DNAAF3: variants seen among roughly 807,000 people sequenced by gnomAD.
DNAAF3 encodes dynein axonemal assembly factor 3.
Under a neutral mutation model 50.9 loss-of-function variants are expected in DNAAF3, and 40 were observed. The ratio of observed to expected loss-of-function variants is 0.79; its 90% CI spans 0.61 to 1.02. DNAAF3 has a LOEUF of 1.02. Among genes scored for constraint, DNAAF3 ranks in the 50% least tolerant of loss-of-function variants. DNAAF3 has a pLI of 0.00. For synonymous variants in DNAAF3, 327 were observed against 322.8 expected, an observed-to-expected ratio of 1.01 and a Z score of -0.14; for missense variants, 763 against 744.7, an observed-to-expected ratio of 1.02 and a Z score of -0.29.
chr19:55,161,424 G>A lies in DNAAF3; in HGVS notation c.664-6C>T, dbSNP rs557072444. 3 of 602,966 alleles carry A rather than the reference G, an allele frequency of 5.0e-6. No homozygotes were observed. The highest frequency in any genetic ancestry group is 3.7e-5 in the African/African-American group (2 of 53,678). 37.4% of individuals were successfully genotyped at this position (602,966 alleles called of 1,614,324 possible). A position where few individuals can be genotyped will look rare whatever the true frequency, so the allele number is the denominator to read the frequency against. ...TGGGGGTGAATGACTTGAGCCTGGG[G>A]TGGGGGGCGGGAAGAAGGGAGCCCT... is the stretch of plus-strand genomic sequence containing the variant. On this transcript the variant is annotated splice_polypyrimidine_tract_variant and splice_region_variant and intron_variant, in intron 6 of 11. Transcript: ENST00000524407. The surrounding 1 kb of genome is among the most constrained non-coding windows in gnomAD (Gnocchi z 6.4).
chr19:55,161,021 C>T lies in DNAAF3; in HGVS notation c.912+44G>A, dbSNP rs1342640890. 6.7e-7 allele frequency: 1 copy of T among 1,503,396 alleles called. No individual in the cohort carries two copies. The allele number at this position is 1,503,396 out of a possible 1,614,324, so 93.1% of individuals were successfully genotyped here. ...GGGCGGGGCCTTGCGCACCCACCGA[C>T]CCCCAGCCCCACCTCTACCCCCAGT... On this transcript the variant is annotated intron_variant, in intron 8 of 11. Coordinates refer to ENST00000524407, the MANE Select transcript of DNAAF3 (RefSeq NM_001256715.2). The surrounding 1 kb of genome is among the most constrained non-coding windows in gnomAD (Gnocchi z 6.4).
chr19:55,160,997 G>A lies in DNAAF3; in HGVS notation c.912+68C>T, dbSNP rs988441140. The A allele has an allele frequency of 4.7e-5, 70 of 1,485,372 alleles. No individual in the cohort carries two copies. The highest frequency in any genetic ancestry group is 5.9e-5 in the Non-Finnish European group (66 of 1,119,682). 92.0% of individuals were successfully genotyped at this position (1,485,372 alleles called of 1,614,324 possible). On this transcript the variant is annotated intron_variant, in intron 8 of 11. Coordinates refer to ENST00000524407, the MANE Select transcript of DNAAF3 (RefSeq NM_001256715.2). This position sits in a 1 kb window ranked among gnomAD's most constrained non-coding sequence, Gnocchi z 4.7. ...AGCTGGGGGCGGGGCCTGCTGTGGGGGCGGGGCCTTGCGCACCCACCGACC... is the reference window on the plus strand; with the variant it reads ...AGCTGGGGGCGGGGCCTGCTGTGGGAGCGGGGCCTTGCGCACCCACCGACC...
At position 55,161,974 on chromosome 19, in the gene DNAAF3, C is replaced by A; in HGVS notation, c.481-149G>T. 7.4e-7 allele frequency: 1 copy of A among 1,349,946 alleles called. No individual in the cohort carries two copies. Among genetic ancestry groups the A allele is most frequent in the East Asian group, 3.0e-5 (1 of 33,392 alleles). The allele number at this position is 1,349,946 out of a possible 1,614,324, so 83.6% of individuals were successfully genotyped here. A position where few individuals can be genotyped will look rare whatever the true frequency, so the allele number is the denominator to read the frequency against. ...AAACTGAGGCTCCGAAAGCAGAAGC[C>A]ACCTCCTGCCCCCAGGCCAAATCCC... On this transcript the variant is annotated intron_variant, in intron 5 of 11. Transcript: ENST00000524407. This position sits in a 1 kb window ranked among gnomAD's most constrained non-coding sequence, Gnocchi z 6.4.
chr19:55,160,916 G>A lies in DNAAF3; in HGVS notation c.913-141C>T, dbSNP rs1423783731. 1 of 1,449,190 alleles carries A rather than the reference G, an allele frequency of 6.9e-7. No individual in the cohort carries two copies. Among genetic ancestry groups the A allele is most frequent in the Non-Finnish European group, 9.1e-7 (1 of 1,102,056 alleles). 89.8% of individuals were successfully genotyped at this position (1,449,190 alleles called of 1,614,324 possible). ...AGTGGGGCGGGACCTATCCCGCGGG[G>A]ATGGGGCCTGTTCTCTGAATGGAGT... On this transcript the variant is annotated intron_variant, in intron 8 of 11. Transcript: ENST00000524407. The surrounding 1 kb of genome is among the most constrained non-coding windows in gnomAD (Gnocchi z 4.7).
At position 55,159,884 on chromosome 19, in the gene DNAAF3, T is replaced by G. The variant is rs1369172533; in HGVS notation, c.1163+15A>C. On this transcript the variant is annotated intron_variant, in intron 10 of 11. Transcript: ENST00000524407. ...GATCCTGGGTCTTTGTGAGCACAGC[T>G]GCCTCCCCGCTTACCCACAGGCCAC... 6.2e-7 allele frequency: 1 copy of G among 1,612,136 alleles called. No individual in the cohort carries two copies. The highest frequency in any genetic ancestry group is 1.3e-5 in the African/African-American group (1 of 74,840).
chr19:55,159,566 GCCACACAGGCC>G lies in DNAAF3; in HGVS notation c.1194_1204del (p.Ala399ThrfsTer75), dbSNP rs2147290974. On this transcript the variant is annotated frameshift_variant, in exon 11 of 12. Coordinates refer to ENST00000524407, the MANE Select transcript of DNAAF3 (RefSeq NM_001256715.2). LOFTEE classifies it low-confidence loss of function (END_TRUNC). ...TTCCACAATCAAGTTCCCTCCGGGT[GCCACACAGGCC>G]CCAAGCTCAGGGATGAGAAGATGGA... The G allele has an allele frequency of 1.2e-6, 2 of 1,605,862 alleles. No homozygotes were observed. The highest frequency in any genetic ancestry group is 1.7e-6 in the Non-Finnish European group (2 of 1,175,792).
chr19:55,160,610 C>A lies in DNAAF3; in HGVS notation c.1048+30G>T. 6.8e-7 allele frequency: 1 copy of A among 1,468,160 alleles called. No homozygotes were observed. The highest frequency in any genetic ancestry group is 8.9e-7 in the Non-Finnish European group (1 of 1,117,968). 90.9% of individuals were successfully genotyped at this position (1,468,160 alleles called of 1,614,324 possible). A position where few individuals can be genotyped will look rare whatever the true frequency, so the allele number is the denominator to read the frequency against. The stretch of plus-strand genomic sequence containing the variant: ...GTGAAACACCTGGAGGCTGGAGTCC[C>A]TGGCTTACCTGTTGTTGTCCCTGGC... On this transcript the variant is annotated intron_variant, in intron 9 of 11. Transcript: ENST00000524407. The surrounding 1 kb of genome is among the most constrained non-coding windows in gnomAD (Gnocchi z 4.7).
Position 55,160,438 on chromosome 19 carries a change from T to TCAG in DNAAF3, c.1048+201_1048+202insCTG, listed in dbSNP as rs1187059382. ...CTTGGATAGCTTAGCCCTCTGCAGA[T>TCAG]AAGATTAGAATTCTGCTAGTGGAAT... On this transcript the variant is annotated intron_variant, in intron 9 of 11. Transcript: ENST00000524407. This position sits in a 1 kb window ranked among gnomAD's most constrained non-coding sequence, Gnocchi z 4.7. Among the ~76,000 whole-genome samples, 1 of 152,196 alleles carries TCAG rather than the reference T, an allele frequency of 6.6e-6. No individual in the cohort carries two copies. The highest frequency in any genetic ancestry group is 1.5e-5 in the Non-Finnish European group (1 of 68,042).
chr19:55,161,409 T>G lies in DNAAF3; in HGVS notation c.673A>C (p.Ile225Leu). Residue 225 changes from isoleucine to leucine, a missense_variant, in exon 7 of 12, where the codon ATT becomes CTT. By Grantham distance (5) the Ile-to-Leu change is conservative (BLOSUM62 2). Transcript: ENST00000524407. The surrounding 1 kb of genome is among the most constrained non-coding windows in gnomAD (Gnocchi z 6.4). ...CAGCGTCGGAACTCCTGGGGGTGAA[T>G]GACTTGAGCCTGGGGTGGGGGGCGG... ...MKLHDRGAQV[I>L]HPQEFRRWRD... 6 of 617,934 alleles carry G rather than the reference T, an allele frequency of 9.7e-6. No individual in the cohort carries two copies. The highest frequency in any genetic ancestry group is 1.6e-5 in the Non-Finnish European group (6 of 378,608). The allele number at this position is 617,934 out of a possible 1,614,324, so 38.3% of individuals were successfully genotyped here.
At chr19:55,159,652 G>A (rs375400023) in intron 10 of DNAAF3, 45 bp from the exon 11 acceptor site, 57 of 1,610,958 alleles carry the variant, frequency 3.5e-5, no homozygotes, top group Middle Eastern at 1.6e-4. Flanking sequence ...CTCCAAATCC[G>A]GAGGGAGGAT....
chr19:55,165,609 C>T, intron 3 of DNAAF3, 146 bp from the exon 4 acceptor site: 1 of 959,648 alleles, frequency 1.0e-6, no homozygotes, highest in South Asian at 1.6e-5. Flanking sequence ...AGTCTGTGTC[C>T]CCAGAGCTCT....
Position 55,161,972 on chromosome 19 carries a change from G to A in DNAAF3, c.481-147C>T. On this transcript the variant is annotated intron_variant, in intron 5 of 11. Coordinates refer to ENST00000524407, the MANE Select transcript of DNAAF3 (RefSeq NM_001256715.2). This position sits in a 1 kb window ranked among gnomAD's most constrained non-coding sequence, Gnocchi z 6.4. ...AAAAACTGAGGCTCCGAAAGCAGAA[G>A]CCACCTCCTGCCCCCAGGCCAAATC... 2 of 1,352,022 alleles carry A rather than the reference G, an allele frequency of 1.5e-6. No homozygotes were observed. The highest frequency in any genetic ancestry group is 2.8e-4 in the Middle Eastern group (1 of 3,624). The allele number at this position is 1,352,022 out of a possible 1,614,324, so 83.8% of individuals were successfully genotyped here. A position where few individuals can be genotyped will look rare whatever the true frequency, so the allele number is the denominator to read the frequency against.
chr19:55,164,173 T>C (rs2085895188), intron 4 of DNAAF3, among the ~76,000 whole-genome samples: 1 of 152,142 alleles, frequency 6.6e-6, no homozygotes, highest in African/African-American at 2.4e-5. Context: ...TGTGGAACTG[T>C]GAGTCAATTA....
chr19:55,163,070 C>T lies in DNAAF3; in HGVS notation c.323-780G>A, dbSNP rs1387239546. On this transcript the variant is annotated intron_variant, in intron 4 of 11. Transcript: ENST00000524407. ...TGTCGCCTAGACTGTAGTGCAGTGGCGCGATCCCGGCTCACTGCAAGCTCC... is the reference window on the plus strand; with the variant it reads ...TGTCGCCTAGACTGTAGTGCAGTGGTGCGATCCCGGCTCACTGCAAGCTCC... Among the ~76,000 whole-genome samples, 6 of 129,622 alleles carry T rather than the reference C, an allele frequency of 4.6e-5. No individual in the cohort carries two copies. The South Asian group carries it at 9.9e-4, about 21-fold the overall frequency. The allele number at this position is 129,622 out of a possible 152,430, so 85.0% of individuals were successfully genotyped here. A position where few individuals can be genotyped will look rare whatever the true frequency, so the allele number is the denominator to read the frequency against.
chr19:55,161,173 C>T lies in DNAAF3; in HGVS notation c.804G>A (p.Val268=). The change falls in exon 8 of 12, where the codon GTG becomes GTA. Residue 268 remains valine, a synonymous_variant. Coordinates refer to ENST00000524407, the MANE Select transcript of DNAAF3 (RefSeq NM_001256715.2). This position sits in a 1 kb window ranked among gnomAD's most constrained non-coding sequence, Gnocchi z 6.4. ...GRLLSYRGER[V]AARGYWGDIA... is the part of the protein sequence containing the mutation. Reference sequence around the variant, plus strand: ...TGTCCCCCCAGTACCCGCGCGCTGCCACGCGCTCCCCACGCTGGAAAAGGA... The same window carrying T: ...TGTCCCCCCAGTACCCGCGCGCTGCTACGCGCTCCCCACGCTGGAAAAGGA... 1 of 1,567,568 alleles carries T rather than the reference C, an allele frequency of 6.4e-7. No homozygotes were observed. The highest frequency in any genetic ancestry group is 8.6e-7 in the Non-Finnish European group (1 of 1,156,720).
chr19:55,165,282 C>CT, intron 4 of DNAAF3, 88 bp downstream of exon 4: 1 of 1,337,558 alleles, frequency 7.5e-7, no homozygotes, highest in Non-Finnish European at 1.1e-6. Flanking sequence ...AATAACCAAA[C>CT]TTTTTAATTG....
At position 55,166,523 on chromosome 19, in the gene DNAAF3, C is replaced by A; in HGVS notation, c.-5G>T. The A allele has an allele frequency of 1.2e-6, 2 of 1,614,146 alleles. No individual in the cohort carries two copies. The highest frequency in any genetic ancestry group is 1.7e-6 in the Non-Finnish European group (2 of 1,180,016). ...CCTCCACATGATACCTTGCCCACAC[C>A]TTTATCCTCCAAATATCCCGGGACG... On this transcript the variant is annotated splice_region_variant and 5_prime_UTR_variant, in exon 1 of 12. It adds an upstream start codon to the 5' untranslated region. Coordinates refer to ENST00000524407, the MANE Select transcript of DNAAF3 (RefSeq NM_001256715.2). The surrounding 1 kb of genome is among the most constrained non-coding windows in gnomAD (Gnocchi z 4.0).
At chr19:55,164,970 C>A (rs2085910763) in intron 4 of DNAAF3, among the ~76,000 whole-genome samples, 1 of 150,826 alleles carries the variant, frequency 6.6e-6, no homozygotes. Context: ...ATCAGAGGTA[C>A]CACACTGGAA....
chr19:55,164,108 C>T (rs10422172), intron 4 of DNAAF3, among the ~76,000 whole-genome samples: 72,670 of 152,000 alleles, frequency 0.48, 20,575 homozygotes, highest in African/African-American at 0.79. Flanking sequence ...CCCTTCGCCT[C>T]CTGTCATGAT....
Sources: allele counts gnomAD v4.1 joint callset (sites outside exome capture counted in the v4.1 genomes callset), GRCh38; gene constraint gnomAD v4.1.1; non-coding constraint Gnocchi (gnomAD v3.1); transcripts MANE v1.5; gene names NCBI Gene and HGNC (gene_info 2026-07-23, HGNC 2026-07-21).